Variants in COPB1 observed in about 807,000 individuals in gnomAD.
COPB1 encodes the protein coat protein complex I subunit beta 1.
A neutral mutation model predicts 108.7 loss-of-function variants in COPB1; 21 were observed. That is an observed-to-expected ratio of 0.19 (90% CI 0.14 to 0.28). The LOEUF (loss-of-function observed/expected upper bound fraction) is 0.28, where lower values mean the gene tolerates loss of function less well. COPB1 is among the 10% of genes least tolerant of loss of function. The probability of loss-of-function intolerance (pLI) is 1.00; values close to 1 mark genes in which losing one functional copy is unlikely to be tolerated. For missense variants in COPB1, 919 were observed against 1,141.3 expected, an observed-to-expected ratio of 0.81 and a Z score of 2.81; for synonymous variants, 378 against 386.8, an observed-to-expected ratio of 0.98 and a Z score of 0.27.
intron 11 of COPB1, 92 bp from the exon 12 acceptor site, chr11:14,477,107 G>A: frequency 1.1e-6 from 1 of 936,766 alleles, no homozygotes; most frequent in Non-Finnish European, 1.7e-6. Context: ...ATAAAAACAA[G>A]GGCCAGGCAC....
intron 17 of COPB1, among the ~76,000 whole-genome samples, chr11:14,465,580 A>G (rs1401336985): frequency 6.6e-6 from 1 of 152,216 alleles, no homozygotes; most frequent in African/African-American, 2.4e-5. Flanking sequence ...TAAGTCTTAA[A>G]CTATATACTT....
At chr11:14,477,068 G>C in intron 11 of COPB1, 53 bp from the exon 12 acceptor site, 4 of 1,203,784 alleles carry the variant, frequency 3.3e-6, no homozygotes, top group Non-Finnish European at 4.9e-6. Context: ...TCTTGAAGCA[G>C]AGATCTTTCT....
At chr11:14,484,705 G>C (rs373745070) in intron 7 of COPB1, among the ~76,000 whole-genome samples, 6 of 152,260 alleles carry the variant, frequency 3.9e-5, no homozygotes, top group African/African-American at 1.4e-4. Flanking sequence ...GCGACGGAGT[G>C]AGACTCCGTC....
chr11:14,494,566 T>C (rs1850976188), intron 2 of COPB1, 127 bp from the exon 3 acceptor site: 3 of 604,970 alleles, frequency 5.0e-6, no homozygotes, highest in Admixed American at 3.1e-5. Context: ...GTAATAAAAG[T>C]ACAAACCCAA....
At chr11:14,482,124 G>A (rs963839501) in intron 8 of COPB1, among the ~76,000 whole-genome samples, 1 of 152,100 alleles carries the variant, frequency 6.6e-6, no homozygotes, top group Admixed American at 6.6e-5. Context: ...TAATTTTAGT[G>A]TATCTCTCTC....
Position 14,457,679 on chromosome 11 carries a change from A to G in COPB1, c.*145T>C. On this transcript the variant is annotated 3_prime_UTR_variant, in exon 22 of 22. Transcript: ENST00000439561. ...ATAATTTTAAACTCAATCTTGATTT[A>G]AGGGAAAGGCTATAAATTATTGGCT... The G allele has an allele frequency of 1.5e-6, 1 of 662,802 alleles. No individual in the cohort carries two copies. The highest frequency in any genetic ancestry group is 2.7e-6 in the Non-Finnish European group (1 of 365,496). 41.1% of individuals were successfully genotyped at this position (662,802 alleles called of 1,614,324 possible).
At position 14,493,642 on chromosome 11, in the gene COPB1, CTATAGATGG is replaced by C; in HGVS notation, c.482_490del (p.Thr161_Tyr163del). 6.2e-7 allele frequency: 1 copy of C among 1,606,076 alleles called. No homozygotes were observed. Among genetic ancestry groups the C allele is most frequent in the Non-Finnish European group, 8.5e-7 (1 of 1,177,466 alleles). ...AAGCCAAAGCAGTATCTTTATTTACCTATAGATGGTATAGATGGCCAAAACAGCATTTCT... is the reference window on the plus strand; with the variant it reads ...AAGCCAAAGCAGTATCTTTATTTACCTATAGATGGCCAAAACAGCATTTCT... On this transcript the variant is annotated inframe_deletion and splice_region_variant, in exon 4 of 22. Coordinates refer to ENST00000439561, the MANE Select transcript of COPB1 (RefSeq NM_001144061.2).
intron 19 of COPB1, among the ~76,000 whole-genome samples, 187 bp from the exon 20 acceptor site, chr11:14,460,484 T>C (rs529667941): frequency 5.9e-5 from 9 of 152,114 alleles, no homozygotes; most frequent in African/African-American, 2.2e-4. Context: ...CCAATAGAGA[T>C]AACTTCACAG....
intron 18 of COPB1, among the ~76,000 whole-genome samples, chr11:14,461,869 G>A (rs2134092974): frequency 6.6e-6 from 1 of 152,272 alleles, no homozygotes; most frequent in South Asian, 2.1e-4. Flanking sequence ...AAAATCTACA[G>A]ATGCTCAAGT....
chr11:14,491,463 A>C (rs1257440837), intron 4 of COPB1, among the ~76,000 whole-genome samples: 1 of 152,124 alleles, frequency 6.6e-6, no homozygotes, highest in East Asian at 1.9e-4. Flanking sequence ...TGAGGGTGGG[A>C]GTTTGAGATG....
chr11:14,464,783 G>C, intron 18 of COPB1, 128 bp downstream of exon 18: 3 of 999,998 alleles, frequency 3.0e-6, no homozygotes, highest in Non-Finnish European at 2.9e-6. Context: ...TGGTACCATA[G>C]AGAGTATCTC....
chr11:14,499,003 G>C lies in COPB1; in HGVS notation c.-57-18C>G. 2 of 1,123,674 alleles carry C rather than the reference G, an allele frequency of 1.8e-6. No individual in the cohort carries two copies. The highest frequency in any genetic ancestry group is 1.8e-5 in the African/African-American group (1 of 56,996). 69.6% of individuals were successfully genotyped at this position (1,123,674 alleles called of 1,614,324 possible). On this transcript the variant is annotated intron_variant, in intron 1 of 21. Coordinates refer to ENST00000439561, the MANE Select transcript of COPB1 (RefSeq NM_001144061.2). ...CAGAAAATCTAGAAAAATAAACACA[G>C]ACATATCATTACAAATTAAAAAAAA... is the stretch of plus-strand genomic sequence containing the variant.
chr11:14,498,964 A>C lies in COPB1; in HGVS notation c.-36T>G, dbSNP rs2134133616. ...TATATTATAACCAATCCTTGACACA[A>C]GATTTAAGGATGCCAGAAAATCTAG... On this transcript the variant is annotated 5_prime_UTR_variant, in exon 2 of 22. Coordinates refer to ENST00000439561, the MANE Select transcript of COPB1 (RefSeq NM_001144061.2). 6.6e-7 allele frequency: 1 copy of C among 1,506,084 alleles called. No homozygotes were observed. The highest frequency in any genetic ancestry group is 1.9e-4 in the Middle Eastern group (1 of 5,146). 93.3% of individuals were successfully genotyped at this position (1,506,084 alleles called of 1,614,324 possible).
intron 16 of COPB1, among the ~76,000 whole-genome samples, chr11:14,468,441 T>C (rs1850330647): frequency 1.3e-5 from 2 of 152,186 alleles, no homozygotes; most frequent in Admixed American, 1.3e-4. Flanking sequence ...TCCCTCAACT[T>C]CTATTTATTG....
Position 14,465,039 on chromosome 11 carries a change from A to G in COPB1, c.2291-9T>C. On this transcript the variant is annotated splice_polypyrimidine_tract_variant and intron_variant, in intron 17 of 21. Coordinates refer to ENST00000439561, the MANE Select transcript of COPB1 (RefSeq NM_001144061.2). ...CACAAGTTTCAGATCCCCTGAAAGA[A>G]AGAGTTTGGATATGGTTAAAAATAC... The G allele has an allele frequency of 6.3e-7, 1 of 1,577,788 alleles. No individual in the cohort carries two copies. The highest frequency in any genetic ancestry group is 8.6e-7 in the Non-Finnish European group (1 of 1,158,512).
chr11:14,471,390 G>A (rs1850398657), intron 14 of COPB1, among the ~76,000 whole-genome samples: 1 of 152,164 alleles, frequency 6.6e-6, no homozygotes, highest in Non-Finnish European at 1.5e-5. Flanking sequence ...ACTTCCAGAA[G>A]TGATGCAACC....
intron 14 of COPB1, among the ~76,000 whole-genome samples, chr11:14,473,841 A>T (rs1041377849): frequency 6.1e-5 from 4 of 65,450 alleles, no homozygotes; most frequent in Non-Finnish European, 8.4e-5. Flanking sequence ...TCATTTGTTT[A>T]AAAAAAAAAA....
In COPB1 at chr11:14,465,033, G is replaced by C; in HGVS notation, c.2291-3C>G. The stretch of plus-strand genomic sequence containing the variant: ...CTTTTCCACAAGTTTCAGATCCCCT[G>C]AAAGAAAGAGTTTGGATATGGTTAA... On this transcript the variant is annotated splice_polypyrimidine_tract_variant and splice_region_variant and intron_variant, in intron 17 of 21. Transcript: ENST00000439561. 2 of 1,602,806 alleles carry C rather than the reference G, an allele frequency of 1.2e-6. No individual in the cohort carries two copies. The highest frequency in any genetic ancestry group is 1.7e-6 in the Non-Finnish European group (2 of 1,175,234).
At chr11:14,486,312 G>A in intron 7 of COPB1, 55 bp downstream of exon 7, 3 of 1,603,258 alleles carry the variant, frequency 1.9e-6, no homozygotes, top group Non-Finnish European at 2.6e-6. Flanking sequence ...TAAATCATGA[G>A]TGCTAAGACA....
Sources: gnomAD v4.1 joint callset for allele counts (sites outside exome capture counted in the v4.1 genomes callset) on GRCh38, gnomAD v4.1.1 for gene constraint, MANE v1.5 for transcripts, NCBI Gene and HGNC (gene_info 2026-07-23, HGNC 2026-07-21) for gene names.